Variants in TBCK observed in about 807,000 individuals in gnomAD.
TBCK encodes the protein TBC domain-containing protein kinase-like protein.
Under a neutral mutation model 113.4 loss-of-function variants are expected in TBCK, and 99 were observed. That is an observed-to-expected ratio of 0.87 (90% CI 0.74 to 1.03). The LOEUF is 1.03. Among genes scored for constraint, TBCK ranks in the 50% least tolerant of loss-of-function variants. The pLI is 0.00. For missense variants in TBCK, 1,045 were observed against 1,061.3 expected (o/e 0.98, Z 0.21); for synonymous variants, 369 against 370.8 (o/e 1.00, Z 0.05).
chr4:106,179,724 A>G (rs116338166), intron 22 of TBCK, among the ~76,000 whole-genome samples: 1,737 of 152,076 alleles, frequency 0.011, 31 homozygotes, highest in African/African-American at 0.04. Context: ...CAGCTGTTGG[A>G]TGGAACGTTC....
intron 22 of TBCK, among the ~76,000 whole-genome samples, chr4:106,185,899 T>G (rs978349202): frequency 6.6e-6 from 1 of 152,078 alleles, no homozygotes; most frequent in Non-Finnish European, 1.5e-5. Flanking sequence ...CATCCTCAAG[T>G]AGGCCCTGGT....
intron 20 of TBCK, among the ~76,000 whole-genome samples, chr4:106,197,411 G>GTGTGTATATATATATATATA (rs35695611): frequency 4.9e-5 from 6 of 122,442 alleles, no homozygotes; most frequent in Admixed American, 4.2e-4. Context: ...GTGTGTGTGT[G>GTGTGTATATATATATATATA]TATATATATA....
chr4:106,088,493 T>A (rs1335098205), intron 25 of TBCK, among the ~76,000 whole-genome samples: 1 of 152,170 alleles, frequency 6.6e-6, no homozygotes, highest in African/African-American at 2.4e-5. Context: ...CTTACACTGT[T>A]GGTAGGAATG....
At position 106,058,035 on chromosome 4, in the gene TBCK, A is replaced by G. The variant is rs188641031; in HGVS notation, c.2572-11355T>C. Among the ~76,000 whole-genome samples, 115 of 151,864 alleles carry G rather than the reference A, an allele frequency of 7.6e-4. 1 individual carries two copies. Among genetic ancestry groups the G allele is most frequent in the African/African-American group, 2.7e-3 (113 of 41,488 alleles). On this transcript the variant is annotated intron_variant, in intron 25 of 25. Transcript: ENST00000394708. ...CTTGTGCAAAGGTGTAGTCTACTGCAAACTATTATTTTCACATGCTTTGTT... is the reference window on the plus strand; with the variant it reads ...CTTGTGCAAAGGTGTAGTCTACTGCGAACTATTATTTTCACATGCTTTGTT...
intron 20 of TBCK, among the ~76,000 whole-genome samples, chr4:106,202,164 TA>T (rs1350145774): frequency 1.8e-5 from 2 of 112,074 alleles, no homozygotes; most frequent in East Asian, 4.5e-4. Context: ...TTAAGTCATA[TA>T]ACAAAAGATA....
intron 23 of TBCK, among the ~76,000 whole-genome samples, chr4:106,166,294 A>G (rs1271674773): frequency 6.6e-6 from 1 of 151,786 alleles, no homozygotes; most frequent in African/African-American, 2.4e-5. Context: ...AGGTACTTTT[A>G]GAAAAAATTT....
chr4:106,248,887 C>A, intron 8 of TBCK, 34 bp downstream of exon 8: 9 of 1,539,766 alleles, frequency 5.8e-6, no homozygotes, highest in Non-Finnish European at 7.9e-6. Context: ...GTTATAGCAG[C>A]ACAAATGGAC....
intron 17 of TBCK, among the ~76,000 whole-genome samples, chr4:106,232,004 G>A (rs1007999976): frequency 6.6e-6 from 1 of 151,656 alleles, no homozygotes; most frequent in Non-Finnish European, 1.5e-5. Context: ...ATATTATTAT[G>A]AGTTGAAAAG....
At chr4:106,142,380 T>A (rs1412183772) in intron 23 of TBCK, among the ~76,000 whole-genome samples, 1 of 152,202 alleles carries the variant, frequency 6.6e-6, no homozygotes, top group African/African-American at 2.4e-5. Context: ...ATTATGTACC[T>A]TGCTTTATTA....
chr4:106,197,536 CAACAAAACAA>C (rs893370590), intron 20 of TBCK, among the ~76,000 whole-genome samples: 36 of 150,426 alleles, frequency 2.4e-4, no homozygotes, highest in Admixed American at 6.0e-4. Flanking sequence ...AGAATGAAAA[CAACAAAACAA>C]AACAAAACAA....
intron 3 of TBCK, among the ~76,000 whole-genome samples, chr4:106,290,419 G>A (rs182445434): frequency 0.027 from 4,099 of 151,978 alleles, 178 homozygotes; most frequent in African/African-American, 0.094. Context: ...CTCGTGATCC[G>A]CCCACCTTGG....
chr4:106,282,138 T>TTGCA (rs1451056669), intron 3 of TBCK, among the ~76,000 whole-genome samples: 4 of 152,058 alleles, frequency 2.6e-5, no homozygotes, highest in Non-Finnish European at 1.5e-5. Flanking sequence ...TCTTGGTAGG[T>TTGCA]TGCATGTGTC....
At chr4:106,093,201 C>A (rs969627384) in intron 25 of TBCK, among the ~76,000 whole-genome samples, 2 of 152,184 alleles carry the variant, frequency 1.3e-5, no homozygotes, top group African/African-American at 4.8e-5. Context: ...GAATGACTTT[C>A]ATTTAGTGTC....
intron 20 of TBCK, among the ~76,000 whole-genome samples, chr4:106,205,295 C>T (rs1343612563): frequency 6.6e-6 from 1 of 152,018 alleles, no homozygotes; most frequent in Non-Finnish European, 1.5e-5. Context: ...TGTAACTCAG[C>T]AACCAATATT....
chr4:106,209,954 C>T (rs1480129654), intron 20 of TBCK, among the ~76,000 whole-genome samples: 1 of 152,012 alleles, frequency 6.6e-6, no homozygotes, highest in Non-Finnish European at 1.5e-5. Flanking sequence ...TTTCTTTGTT[C>T]TATCCTGCAC....
intron 25 of TBCK, among the ~76,000 whole-genome samples, chr4:106,059,475 G>C (rs542174024): frequency 6.6e-6 from 1 of 151,644 alleles, no homozygotes; most frequent in South Asian, 2.1e-4. Context: ...GATGATCTGT[G>C]ATAAGTGATC....
chr4:106,097,482 C>G (rs913817948), intron 24 of TBCK, among the ~76,000 whole-genome samples: 2 of 152,080 alleles, frequency 1.3e-5, no homozygotes, highest in African/African-American at 4.8e-5. Flanking sequence ...TACTGGAAAA[C>G]AGCAGAGGAG....
rs1397632409 is a variant in TBCK, at chr4:106,242,577, G to T, written c.1071-8C>A. On this transcript the variant is annotated splice_polypyrimidine_tract_variant and splice_region_variant and intron_variant, in intron 11 of 25. Coordinates refer to ENST00000394708, the MANE Select transcript of TBCK (RefSeq NM_001163435.3). ...CCATCCTCAAAGAGAAAACTGAAAAGAAATTTTTAAAAATAATATGTACAC... is the reference window on the plus strand; with the variant it reads ...CCATCCTCAAAGAGAAAACTGAAAATAAATTTTTAAAAATAATATGTACAC... The T allele has an allele frequency of 4.4e-6, 7 of 1,581,872 alleles. No homozygotes were observed. The highest frequency in any genetic ancestry group is 3.5e-5 in the South Asian group (3 of 85,158).
chr4:106,172,572 G>A (rs1350212509), intron 22 of TBCK, among the ~76,000 whole-genome samples: 1 of 152,092 alleles, frequency 6.6e-6, no homozygotes, highest in African/African-American at 2.4e-5. Context: ...GCAGGCAATG[G>A]AGAAAAATAT....
Sources: gnomAD v4.1 joint callset for allele counts (sites outside exome capture counted in the v4.1 genomes callset) on GRCh38, gnomAD v4.1.1 for gene constraint, MANE v1.5 for transcripts, NCBI Gene and HGNC (gene_info 2026-07-23, HGNC 2026-07-21) for gene names.